Variants in ZBTB49 observed in about 807,000 individuals in gnomAD.
The protein encoded by ZBTB49 is zinc finger and BTB domain containing 49, also known as zinc finger and BTB domain-containing protein 49.
A neutral mutation model predicts 57.5 loss-of-function variants in ZBTB49; 43 were observed. That is an observed-to-expected ratio of 0.75 (90% CI 0.59 to 0.97). The LOEUF is 0.97. Among genes scored for constraint, ZBTB49 ranks in the 50% least tolerant of loss-of-function variants. The pLI is 0.00. For missense variants in ZBTB49, 938 were observed against 947.7 expected (o/e 0.99, Z 0.13); for synonymous variants, 369 against 362.1 (o/e 1.02, Z -0.22).
intron 1 of ZBTB49, among the ~76,000 whole-genome samples, chr4:4,299,201 A>G (rs1720362935): frequency 6.6e-6 from 1 of 151,702 alleles, no homozygotes; most frequent in Non-Finnish European, 1.5e-5. Context: ...CCTGCCTCAG[A>G]GACTTGGTGC....
At chr4:4,314,058 A>G (rs528288776) in intron 5 of ZBTB49, among the ~76,000 whole-genome samples, 5 of 152,348 alleles carry the variant, frequency 3.3e-5, no homozygotes, top group African/African-American at 1.2e-4. Context: ...GTCTCAGCAC[A>G]TGCTGGGGAA....
chr4:4,321,362 G>A lies in ZBTB49; in HGVS notation c.*46G>A, dbSNP rs377167240. ...TAGAGGCGTGTTCTCAGTTTAGCAG[G>A]CTGGTGTTAAGGCTGTAGGAGGACC... On this transcript the variant is annotated 3_prime_UTR_variant, in exon 8 of 8. Transcript: ENST00000337872. 17 of 1,588,240 alleles carry A rather than the reference G, an allele frequency of 1.1e-5. No homozygotes were observed. The highest frequency in any genetic ancestry group is 1.5e-5 in the Non-Finnish European group (17 of 1,172,296).
Position 4,302,343 on chromosome 4 carries a change from G to A in ZBTB49, c.507G>A (p.Thr169=), listed in dbSNP as rs141257350. Residue 169 remains threonine, a synonymous_variant, in exon 3 of 8, where the codon ACG becomes ACA. Coordinates refer to ENST00000337872, the MANE Select transcript of ZBTB49 (RefSeq NM_145291.4). ...CAGCAGATGCACAGCAGAACAAAAC[G>A]TTGGATGAATCGCATCCGCATGCTT... ...ECSADAQQNK[T]LDESHPHASP... The A allele has an allele frequency of 5.6e-6, 9 of 1,614,226 alleles. No homozygotes were observed. The Admixed American group carries it at 6.7e-5, about 12-fold the overall frequency.
Position 4,303,760 on chromosome 4 carries a change from C to CTCTCTCTCTGTGTGTGTGTGTG in ZBTB49, c.1255+670_1255+671insCTCTCTCTGTGTGTGTGTGTGT, listed in dbSNP as rs1223289249. 3.7e-4 allele frequency among the ~76,000 whole-genome samples: 45 copies of CTCTCTCTCTGTGTGTGTGTGTG among 121,410 alleles called. 1 individual carries two copies. The highest frequency in any genetic ancestry group is 1.5e-3 in the African/African-American group (44 of 30,124). 79.6% of individuals were successfully genotyped at this position (121,410 alleles called of 152,430 possible). A position where few individuals can be genotyped will look rare whatever the true frequency, so the allele number is the denominator to read the frequency against. ...TCTCTCTCTCTCTCTCTCTCTCTCTCTGTGTGTGTGTCTCTCTCTCTCTCT... is the reference window on the plus strand; with the variant it reads ...TCTCTCTCTCTCTCTCTCTCTCTCTCTCTCTCTCTGTGTGTGTGTGTGTGTGTGTGTGTCTCTCTCTCTCTCT... On this transcript the variant is annotated intron_variant, in intron 3 of 7. Transcript: ENST00000337872.
At chr4:4,305,367 A>G (rs1720691079) in intron 3 of ZBTB49, among the ~76,000 whole-genome samples, 1 of 152,198 alleles carries the variant, frequency 6.6e-6, no homozygotes, top group Non-Finnish European at 1.5e-5. Context: ...TTTCAGGGAA[A>G]TGGAGAAAAT....
At chr4:4,319,618 C>G (rs1721325877) in intron 7 of ZBTB49, among the ~76,000 whole-genome samples, 2 of 152,196 alleles carry the variant, frequency 1.3e-5, no homozygotes, top group South Asian at 4.1e-4. Context: ...GCCAGGAGTT[C>G]AAGACTAGCT....
chr4:4,311,799 T>A (rs1364009697), intron 4 of ZBTB49, among the ~76,000 whole-genome samples: 1 of 152,254 alleles, frequency 6.6e-6, no homozygotes, highest in African/African-American at 2.4e-5. Flanking sequence ...AAACTCTTTC[T>A]CTTTGGTTGT....
At chr4:4,304,693 C>T (rs185477886) in intron 3 of ZBTB49, among the ~76,000 whole-genome samples, 1 of 151,970 alleles carries the variant, frequency 6.6e-6, no homozygotes, top group East Asian at 1.9e-4. Flanking sequence ...GTCTGGGGAA[C>T]CCTTTTTGGG....
In ZBTB49 at chr4:4,320,623, T is replaced by C. The variant is rs373769421; in HGVS notation, c.1622-17T>C. 7 of 1,613,140 alleles carry C rather than the reference T, an allele frequency of 4.3e-6. No individual in the cohort carries two copies. In the African/African-American group the frequency reaches 9.4e-5, roughly 22 times the overall value. ...GACCCTGTTTAAGTAAATAAATAAC[T>C]GTTTTTCTTTTTCCAGGGAAATGTT... On this transcript the variant is annotated splice_polypyrimidine_tract_variant and intron_variant, in intron 7 of 7. Coordinates refer to ENST00000337872, the MANE Select transcript of ZBTB49 (RefSeq NM_145291.4).
chr4:4,310,435 T>A (rs938848064), intron 4 of ZBTB49, among the ~76,000 whole-genome samples: 1 of 152,222 alleles, frequency 6.6e-6, no homozygotes, highest in African/African-American at 2.4e-5. Flanking sequence ...TTAAATACTC[T>A]TCGCAACGGT....
At chr4:4,320,479 T>C (rs896939535) in intron 7 of ZBTB49, among the ~76,000 whole-genome samples, 161 bp from the exon 8 acceptor site, 2 of 152,044 alleles carry the variant, frequency 1.3e-5, no homozygotes, top group African/African-American at 4.8e-5. Context: ...CTCTACAAAA[T>C]GTATATGTAT....
At chr4:4,291,884 G>A (rs890540373) in intron 1 of ZBTB49, among the ~76,000 whole-genome samples, 5 of 151,882 alleles carry the variant, frequency 3.3e-5, no homozygotes, top group South Asian at 2.1e-4. Context: ...TAATCCCAGC[G>A]CTTTGGGAGG....
At chr4:4,319,914 A>G (rs972769279) in intron 7 of ZBTB49, among the ~76,000 whole-genome samples, 4 of 152,030 alleles carry the variant, frequency 2.6e-5, no homozygotes, top group South Asian at 2.1e-4. Context: ...TAATACAAAA[A>G]TTAGCCTGGC....
In ZBTB49 at chr4:4,302,885, G is replaced by A; in HGVS notation, c.1049G>A (p.Ser350Asn). The change falls in exon 3 of 8, where the codon AGC (serine) becomes AAC (asparagine). Residue 350 changes from serine to asparagine, a missense_variant. This residue lies in a region of ZBTB49 where 835 missense variants were observed against 819.1 expected (regional missense o/e 1.02). Coordinates refer to ENST00000337872, the MANE Select transcript of ZBTB49 (RefSeq NM_145291.4). ...ASKNTLEKAS[S>N]QSAEEKESEE... ...AAAAATACCCTAGAGAAAGCTAGCA[G>A]CCAAAGTGCTGAAGAAAAAGAAAGT... 6.2e-7 allele frequency: 1 copy of A among 1,614,064 alleles called. No homozygotes were observed. Among genetic ancestry groups the A allele is most frequent in the South Asian group, 1.1e-5 (1 of 91,066 alleles).
At chr4:4,310,794 C>G (rs113413204) in intron 4 of ZBTB49, among the ~76,000 whole-genome samples, 2 of 151,742 alleles carry the variant, frequency 1.3e-5, no homozygotes, top group African/African-American at 4.8e-5. Flanking sequence ...GCTGGGATTA[C>G]GGGCATGAGC....
intron 4 of ZBTB49, among the ~76,000 whole-genome samples, chr4:4,307,647 A>G (rs1388307390): frequency 6.6e-6 from 1 of 152,092 alleles, no homozygotes; most frequent in African/African-American, 2.4e-5. Flanking sequence ...GTCCATCCTC[A>G]TGACCCCCAG....
chr4:4,310,317 C>T (rs1307994960), intron 4 of ZBTB49, among the ~76,000 whole-genome samples: 1 of 152,156 alleles, frequency 6.6e-6, no homozygotes, highest in Non-Finnish European at 1.5e-5. Flanking sequence ...TTAGTGAATT[C>T]AGTCCCCATT....
rs751504601 is a variant in ZBTB49, at chr4:4,302,077, T to C, written c.241T>C (p.Phe81Leu). Residue 81 changes from phenylalanine (F) to leucine (L), a missense_variant, in exon 3 of 8, where the codon TTC becomes CTC. By Grantham distance (22) the Phe-to-Leu change is conservative. Around this residue, in one of 3 missense-constraint regions of ZBTB49, gnomAD observed 100 missense variants for 112.5 expected, o/e 0.89. Coordinates refer to ENST00000337872, the MANE Select transcript of ZBTB49 (RefSeq NM_145291.4). ...NVSGIGQILD[F>L]MYTSHLDLNQ... ...CAGTGGCATAGGGCAGATCCTGGACTTCATGTACACTTCTCATCTAGATCT... is the reference window on the plus strand; with the variant it reads ...CAGTGGCATAGGGCAGATCCTGGACCTCATGTACACTTCTCATCTAGATCT... The C allele has an allele frequency of 3.7e-6, 6 of 1,613,932 alleles. No individual in the cohort carries two copies. Among genetic ancestry groups the C allele is most frequent in the Non-Finnish European group, 5.1e-6 (6 of 1,179,836 alleles).
intron 7 of ZBTB49, among the ~76,000 whole-genome samples, 199 bp downstream of exon 7, chr4:4,316,169 T>C (rs1721188964): frequency 6.6e-6 from 1 of 152,134 alleles, no homozygotes; most frequent in African/African-American, 2.4e-5. Flanking sequence ...TTAGGAACTG[T>C]CCTAAACGCT....
Sources: allele counts gnomAD v4.1 joint callset (sites outside exome capture counted in the v4.1 genomes callset), GRCh38; gene constraint gnomAD v4.1.1; regional missense constraint gnomAD v4.1.1; transcripts MANE v1.5; gene names NCBI Gene and HGNC (gene_info 2026-07-23, HGNC 2026-07-21).